Variants in RABGAP1L observed in about 807,000 individuals in gnomAD.
RABGAP1L encodes RAB GTPase activating protein 1 like.
In RABGAP1L, 63 loss-of-function variants were observed where a neutral mutation model predicts 137.7. The ratio of observed to expected loss-of-function variants is 0.46; its 90% CI spans 0.37 to 0.56. The LOEUF is 0.56. Ranked by LOEUF, RABGAP1L falls within the 20% of genes least tolerant of loss-of-function variation. The pLI is 0.00. For missense variants in RABGAP1L, 1,095 were observed against 1,244.0 expected, an observed-to-expected ratio of 0.88 and a Z score of 1.80; for synonymous variants, 431 against 433.7, an observed-to-expected ratio of 0.99 and a Z score of 0.08.
intron 19 of RABGAP1L, among the ~76,000 whole-genome samples, chr1:174,904,318 C>G (rs556768109): frequency 6.6e-6 from 1 of 152,200 alleles, no homozygotes; most frequent in East Asian, 1.9e-4. Context: ...TTCCAGTGAA[C>G]TATGGTTGTA....
intron 13 of RABGAP1L, among the ~76,000 whole-genome samples, chr1:174,610,965 A>G (rs1050531297): frequency 1.4e-4 from 21 of 151,744 alleles, no homozygotes; most frequent in African/African-American, 5.1e-4. Flanking sequence ...GCCCTTTGTC[A>G]GATGAGTAGG....
chr1:174,737,711 A>G (rs887903307), intron 17 of RABGAP1L, among the ~76,000 whole-genome samples: 1 of 152,216 alleles, frequency 6.6e-6, no homozygotes, highest in Admixed American at 6.5e-5. Flanking sequence ...TTTCAAAGAA[A>G]GGGGTTTAAT....
chr1:174,691,156 A>G (rs1456841911), intron 15 of RABGAP1L, among the ~76,000 whole-genome samples: 1 of 152,130 alleles, frequency 6.6e-6, no homozygotes, highest in Non-Finnish European at 1.5e-5. Flanking sequence ...AAAATTGGGA[A>G]TATCAGTAGA....
intron 11 of RABGAP1L, among the ~76,000 whole-genome samples, chr1:174,317,414 G>C (rs1250438737): frequency 6.6e-6 from 1 of 152,038 alleles, no homozygotes; most frequent in Admixed American, 6.5e-5. Flanking sequence ...TTCCCTTTTG[G>C]CTCAGGTTGT....
chr1:174,685,143 T>C lies in RABGAP1L; in HGVS notation c.1899+1547T>C, dbSNP rs369536581. On this transcript the variant is annotated intron_variant, in intron 15 of 25. Transcript: ENST00000681986. ...GTCAAAGGTGACATATCTAGTTTCCTGGCTTTGGAGACTGGATGAATGTTG... is the reference window on the plus strand; with the variant it reads ...GTCAAAGGTGACATATCTAGTTTCCCGGCTTTGGAGACTGGATGAATGTTG... 1.1e-4 allele frequency among the ~76,000 whole-genome samples: 17 copies of C among 152,322 alleles called. No homozygotes were observed. The East Asian group carries it at 1.9e-3, about 17-fold the overall frequency.
intron 19 of RABGAP1L, among the ~76,000 whole-genome samples, chr1:174,882,412 A>C (rs972451908): frequency 2.0e-5 from 3 of 152,276 alleles, no homozygotes; most frequent in Admixed American, 1.3e-4. Flanking sequence ...TTTGGTAGGA[A>C]TCTGTAGTAA....
At chr1:174,959,186 A>G (rs972307633) in intron 20 of RABGAP1L, among the ~76,000 whole-genome samples, 1 of 152,200 alleles carries the variant, frequency 6.6e-6, no homozygotes, top group Non-Finnish European at 1.5e-5. Context: ...GCTAATTTTC[A>G]CCACCAACAT....
intron 19 of RABGAP1L, chr1:174,875,851 T>C (rs1401115010): frequency 2.8e-6 from 1 of 355,612 alleles, no homozygotes; most frequent in East Asian, 1.7e-4. Flanking sequence ...AGCAGCACTG[T>C]AGAACAAAAA....
At chr1:174,636,453 G>A (rs1004848791) in intron 13 of RABGAP1L, among the ~76,000 whole-genome samples, 3 of 151,738 alleles carry the variant, frequency 2.0e-5, no homozygotes, top group East Asian at 1.9e-4. Flanking sequence ...GCTTGAACCC[G>A]GGAGGCGGAG....
chr1:174,195,616 T>TCTTTCTTTCTTCCTTCCTTCCTTC (rs1234228992), intron 1 of RABGAP1L, among the ~76,000 whole-genome samples: 1 of 57,676 alleles, frequency 1.7e-5, no homozygotes. Flanking sequence ...TTTCTTTCTT[T>TCTTTCTTTCTTCCTTCCTTCCTTC]CTTCCTTCCT....
chr1:174,817,331 A>G (rs113873713), intron 19 of RABGAP1L, among the ~76,000 whole-genome samples: 115 of 152,340 alleles, frequency 7.5e-4, no homozygotes, highest in Middle Eastern at 3.4e-3. Flanking sequence ...GAACTATGCC[A>G]AGAGGACTTT....
intron 5 of RABGAP1L, among the ~76,000 whole-genome samples, chr1:174,242,412 G>A (rs995158254): frequency 2.0e-5 from 3 of 152,196 alleles, no homozygotes; most frequent in Admixed American, 6.5e-5. Flanking sequence ...TCATAAATGG[G>A]TGTGGATGGC....
intron 19 of RABGAP1L, among the ~76,000 whole-genome samples, chr1:174,952,027 T>C (rs1667782440): frequency 6.6e-6 from 1 of 152,198 alleles, no homozygotes; most frequent in Non-Finnish European, 1.5e-5. Flanking sequence ...TTATTTCTCT[T>C]TTCTGTGTGT....
intron 18 of RABGAP1L, chr1:174,799,831 G>C: frequency 1.0e-6 from 1 of 990,850 alleles, no homozygotes; most frequent in Non-Finnish European, 1.2e-6. Flanking sequence ...ATTGCAATGA[G>C]CTCATCGTTT....
At position 174,704,149 on chromosome 1, in the gene RABGAP1L, C is replaced by T. The variant is rs147819218; in HGVS notation, c.2169+1893C>T. Among the ~76,000 whole-genome samples the T allele has an allele frequency of 7.9e-4, 120 of 151,922 alleles. 2 individuals carry two copies. The East Asian group carries it at 0.021, about 27-fold the overall frequency. The stretch of plus-strand genomic sequence containing the variant: ...GGTAGCTGGAACTACAGACACACAA[C>T]ACCATGCCCAGCTAATTTTTTGTAT... On this transcript the variant is annotated intron_variant, in intron 17 of 25. Coordinates refer to ENST00000681986, the MANE Select transcript of RABGAP1L (RefSeq NM_001366446.1).
intron 19 of RABGAP1L, among the ~76,000 whole-genome samples, chr1:174,909,892 C>A (rs1240274553): frequency 6.6e-6 from 1 of 152,184 alleles, no homozygotes; most frequent in East Asian, 1.9e-4. Context: ...GTAATCCCAG[C>A]ACTTTGGGAG....
At chr1:174,704,819 T>C (rs1679932597) in intron 17 of RABGAP1L, among the ~76,000 whole-genome samples, 1 of 152,204 alleles carries the variant, frequency 6.6e-6, no homozygotes, top group Non-Finnish European at 1.5e-5. Context: ...CAAATTGGTG[T>C]AGTGAACAGT....
chr1:174,600,738 C>T (rs1670342933), intron 13 of RABGAP1L, among the ~76,000 whole-genome samples: 1 of 152,200 alleles, frequency 6.6e-6, no homozygotes. Flanking sequence ...AGAGTACAGC[C>T]TCCCTTCTGG....
intron 19 of RABGAP1L, among the ~76,000 whole-genome samples, chr1:174,835,480 A>G (rs1004817584): frequency 2.0e-5 from 3 of 152,190 alleles, no homozygotes; most frequent in African/African-American, 4.8e-5. Flanking sequence ...TAAATACACC[A>G]TTCATTTAAA....
Sources: gnomAD v4.1 joint callset for allele counts (sites outside exome capture counted in the v4.1 genomes callset) on GRCh38, gnomAD v4.1.1 for gene constraint, MANE v1.5 for transcripts, NCBI Gene and HGNC (gene_info 2026-07-23, HGNC 2026-07-21) for gene names.